FAM120B: variants seen among roughly 807,000 people sequenced by gnomAD.
FAM120B encodes the protein constitutive coactivator of peroxisome proliferator-activated receptor gamma.
FAM120B carries 83 observed loss-of-function variants against 96.3 expected under a neutral mutation model. The observed-to-expected ratio is 0.86, with a 90% CI of 0.72 to 1.03. The LOEUF is 1.03. Among genes scored for constraint, FAM120B ranks in the 50% least tolerant of loss-of-function variants. FAM120B has a pLI of 0.00. For synonymous variants in FAM120B, 407 were observed against 402.7 expected (o/e 1.01, Z -0.13); for missense variants, 1,027 against 1,121.2 (o/e 0.92, Z 1.20).
At chr6:170,340,317 C>T (rs1299982769) in intron 4 of FAM120B, among the ~76,000 whole-genome samples, 1 of 151,692 alleles carries the variant, frequency 6.6e-6, no homozygotes, top group Non-Finnish European at 1.5e-5. Flanking sequence ...ACGAAGTTCT[C>T]GTGCTGTGTT....
In FAM120B at chr6:170,406,840, C is replaced by T. The variant is rs1442948543; in HGVS notation, c.*2089C>T. On this transcript the variant is annotated 3_prime_UTR_variant, in exon 11 of 11. Coordinates refer to ENST00000476287, the MANE Select transcript of FAM120B (RefSeq NM_032448.3). ...AGTGGGTGTCTGTGAAAATTGTTTT[C>T]TCCTTCATAATACCTAAATTCTAGT... The T allele has an allele frequency of 2.6e-5, 4 of 152,132 alleles. No homozygotes were observed. Among genetic ancestry groups the T allele is most frequent in the Admixed American group, 6.5e-5 (1 of 15,276 alleles). 9.4% of individuals were successfully genotyped at this position (152,132 alleles called of 1,614,324 possible).
At chr6:170,328,692 T>C (rs1404923023) in intron 3 of FAM120B, among the ~76,000 whole-genome samples, 2 of 152,228 alleles carry the variant, frequency 1.3e-5, no homozygotes, top group Non-Finnish European at 2.9e-5. Context: ...ATGAGCGTTT[T>C]TTTAAATAAG....
chr6:170,358,062 G>T (rs1239896024), intron 5 of FAM120B, among the ~76,000 whole-genome samples, 164 bp from the exon 6 acceptor site: 1 of 152,098 alleles, frequency 6.6e-6, no homozygotes, highest in African/African-American at 2.4e-5. Context: ...GTGCACCTCT[G>T]TGTGCTTGTG....
At chr6:170,378,420 C>T (rs1348681476) in intron 6 of FAM120B, among the ~76,000 whole-genome samples, 1 of 152,222 alleles carries the variant, frequency 6.6e-6, no homozygotes, top group Non-Finnish European at 1.5e-5. Context: ...GTCCTCTTCA[C>T]CATCACCCCT....
At chr6:170,315,666 T>A (rs1352030360) in intron 1 of FAM120B, among the ~76,000 whole-genome samples, 2 of 152,212 alleles carry the variant, frequency 1.3e-5, no homozygotes, top group African/African-American at 4.8e-5. Flanking sequence ...TCATAAAATG[T>A]GTGCTATTTA....
At chr6:170,365,214 C>T (rs1788707623) in intron 6 of FAM120B, among the ~76,000 whole-genome samples, 2 of 152,178 alleles carry the variant, frequency 1.3e-5, no homozygotes, top group South Asian at 4.1e-4. Context: ...ACTTTGAGCC[C>T]ACTTGGATTT....
upstream of FAM120B, among the ~76,000 whole-genome samples, chr6:170,291,551 G>T (rs1783873561): frequency 6.6e-6 from 1 of 152,212 alleles, no homozygotes; most frequent in Non-Finnish European, 1.5e-5. Context: ...GGCGATTCGG[G>T]GAGCATCGTA....
Position 170,388,435 on chromosome 6 carries a change from A to C in FAM120B, c.2432A>C (p.His811Pro), listed in dbSNP as rs1790314342. The change falls in exon 7 of 11, where the codon CAT (histidine) becomes CCT (proline). Residue 811 changes from histidine to proline, a missense_variant. Physicochemically the swap from His to Pro is moderately conservative, Grantham distance 77. Around this residue, in one of 3 missense-constraint regions of FAM120B, gnomAD observed 5 missense variants for 17.9 expected, o/e 0.28. Transcript: ENST00000476287. ...AATGTATTTGACGGGAAGCTTTTTC[A>C]TCAGAAGTACTTGCAATCTGAAAAG... ...PWNVFDGKLF[H>P]QKYLQSEKGY... 1 of 1,614,036 alleles carries C rather than the reference A, an allele frequency of 6.2e-7. No homozygotes were observed. The highest frequency in any genetic ancestry group is 1.7e-5 in the Admixed American group (1 of 59,996).
At position 170,391,141 on chromosome 6, in the gene FAM120B, C is replaced by T. The variant is rs772643248; in HGVS notation, c.2599+20C>T. ...ACGCAGGTGGGAAAGGGCCAGGTGCCTCTAGAAGCCCCACAAGCGTAGACC... is the reference window on the plus strand; with the variant it reads ...ACGCAGGTGGGAAAGGGCCAGGTGCTTCTAGAAGCCCCACAAGCGTAGACC... On this transcript the variant is annotated intron_variant, in intron 8 of 10. Transcript: ENST00000476287. 1 of 1,551,236 alleles carries T rather than the reference C, an allele frequency of 6.4e-7. No homozygotes were observed. The highest frequency in any genetic ancestry group is 1.1e-5 in the South Asian group (1 of 89,468).
At chr6:170,327,361 G>T (rs1428386306) in intron 3 of FAM120B, among the ~76,000 whole-genome samples, 1 of 152,084 alleles carries the variant, frequency 6.6e-6, no homozygotes, top group African/African-American at 2.4e-5. Context: ...GAATTTTATA[G>T]AGTATAATTT....
At chr6:170,297,448 CAG>C (rs1270597506) in intron 1 of FAM120B, among the ~76,000 whole-genome samples, 2 of 152,232 alleles carry the variant, frequency 1.3e-5, no homozygotes, top group African/African-American at 4.8e-5. Flanking sequence ...TTTGTGTGCA[CAG>C]AGTCACTAAA....
rs745532990 is a variant in FAM120B at position 170,317,717 on chromosome 6, C to T, written c.327C>T (p.Asn109=). The change falls in exon 2 of 11, where the codon AAC becomes AAT. Residue 109 remains asparagine (N), a synonymous_variant. Transcript: ENST00000476287. ...GGGTGAAACGAAGGCTCAAGAACAA[C>T]AGGGAGATATCCAGGATTTTTCATT... ...DEWVKRRLKN[N]REISRIFHYI... The T allele has an allele frequency of 2.4e-5, 38 of 1,614,042 alleles. No homozygotes were observed. The highest frequency in any genetic ancestry group is 1.6e-4 in the Middle Eastern group (1 of 6,082).
chr6:170,292,979 C>T (rs143946923), upstream of FAM120B, among the ~76,000 whole-genome samples: 246 of 152,304 alleles, frequency 1.6e-3, 1 homozygote, highest in Middle Eastern at 6.8e-3. The surrounding 1 kb of genome is among the most constrained non-coding windows in gnomAD (Gnocchi z 6.6). Context: ...TCAGAAGATG[C>T]TGCCACCCCC....
chr6:170,383,933 C>T (rs79176620), intron 6 of FAM120B, among the ~76,000 whole-genome samples: 2,936 of 152,196 alleles, frequency 0.019, 82 homozygotes, highest in African/African-American at 0.064. Context: ...AAGCACAACT[C>T]GGCAATAAAG....
chr6:170,380,177 A>AT lies in FAM120B; in HGVS notation c.2284-8102dup, dbSNP rs1227766608. Reference sequence around the variant, plus strand: ...ATCCGTGTTGTTACAACATGACAGGATTTTTTTTCTTTTTTTTTTAGTAGC... The same window carrying AT: ...ATCCGTGTTGTTACAACATGACAGGATTTTTTTTTCTTTTTTTTTTAGTAGC... On this transcript the variant is annotated intron_variant, in intron 6 of 10. Coordinates refer to ENST00000476287, the MANE Select transcript of FAM120B (RefSeq NM_032448.3). Among the ~76,000 whole-genome samples, 4 of 151,120 alleles carry AT rather than the reference A, an allele frequency of 2.6e-5. No homozygotes were observed. The East Asian group carries it at 5.9e-4, about 22-fold the overall frequency.
At chr6:170,319,192 G>A in intron 2 of FAM120B, 68 bp downstream of exon 2, 1 of 1,421,716 alleles carries the variant, frequency 7.0e-7, no homozygotes, top group South Asian at 1.4e-5. Context: ...TGTTAGTGAA[G>A]ATCCATTACT....
At chr6:170,393,368 C>T (rs1167404038) in intron 8 of FAM120B, among the ~76,000 whole-genome samples, 3 of 152,134 alleles carry the variant, frequency 2.0e-5, no homozygotes, top group African/African-American at 7.2e-5. Flanking sequence ...ATTTTGAGCA[C>T]TAAAGATGAC....
intron 4 of FAM120B, among the ~76,000 whole-genome samples, chr6:170,347,003 G>A (rs899416580): frequency 1.3e-5 from 2 of 152,092 alleles, no homozygotes; most frequent in Non-Finnish European, 2.9e-5. Flanking sequence ...TAATGAAAAA[G>A]CTTTTCAGGT....
chr6:170,317,453 A>G lies in FAM120B; in HGVS notation c.63A>G (p.Val21=). 6.2e-7 allele frequency: 1 copy of G among 1,614,238 alleles called. No homozygotes were observed. Among genetic ancestry groups the G allele is most frequent in the South Asian group, 1.1e-5 (1 of 91,084 alleles). Residue 21 remains valine (V), a synonymous_variant, in exon 2 of 11, where the codon GTA becomes GTG. Transcript: ENST00000476287. The part of the protein sequence containing the change: ...GSTCPHICTV[V]NFKELAEHHR... ...CCTGCCCACATATATGTACAGTAGTAAATTTCAAAGAACTGGCAGAGCACC... is the reference window on the plus strand; with the variant it reads ...CCTGCCCACATATATGTACAGTAGTGAATTTCAAAGAACTGGCAGAGCACC...
Sources: allele counts gnomAD v4.1 joint callset (sites outside exome capture counted in the v4.1 genomes callset), GRCh38; gene constraint gnomAD v4.1.1; regional missense constraint gnomAD v4.1.1; non-coding constraint Gnocchi (gnomAD v3.1); transcripts MANE v1.5; gene names NCBI Gene and HGNC (gene_info 2026-07-23, HGNC 2026-07-21).